The following GRM7 variants were observed in gnomAD, a reference collection of about 807,000 sequenced individuals.
The protein encoded by GRM7 is glutamate metabotropic receptor 7, also known as metabotropic glutamate receptor 7.
GRM7 carries 35 observed loss-of-function variants against 84.5 expected under a neutral mutation model. The ratio of observed to expected loss-of-function variants is 0.41; its 90% CI spans 0.32 to 0.55. GRM7 has a LOEUF of 0.55. GRM7 is among the 20% of genes least tolerant of loss of function. The pLI is 0.19. For synonymous variants in GRM7, 487 were observed against 455.1 expected, an observed-to-expected ratio of 1.07 and a Z score of -0.89; for missense variants, 1,003 against 1,194.6, an observed-to-expected ratio of 0.84 and a Z score of 2.36.
chr3:7,354,144 TC>T (rs1693283671), intron 4 of GRM7, among the ~76,000 whole-genome samples: 1 of 152,112 alleles, frequency 6.6e-6, no homozygotes, highest in Non-Finnish European at 1.5e-5. Context: ...GTGCTGTCAA[TC>T]CTCCTGCCAT....
At chr3:7,144,894 A>G (rs1291808241) in intron 1 of GRM7, among the ~76,000 whole-genome samples, 1 of 151,986 alleles carries the variant, frequency 6.6e-6, no homozygotes, top group African/African-American at 2.4e-5. Flanking sequence ...AGGGGCAGAA[A>G]GCCTGCCCTC....
intron 1 of GRM7, among the ~76,000 whole-genome samples, chr3:7,109,340 C>T (rs13318569): frequency 6.6e-6 from 1 of 151,996 alleles, no homozygotes; most frequent in Non-Finnish European, 1.5e-5. Flanking sequence ...TTAATTCTTA[C>T]AGGTTATTTT....
intron 1 of GRM7, among the ~76,000 whole-genome samples, chr3:7,125,586 C>T (rs1236294126): frequency 6.6e-6 from 1 of 152,224 alleles, no homozygotes; most frequent in African/African-American, 2.4e-5. Flanking sequence ...GTTCTCACAA[C>T]AAGCTGCACA....
At chr3:7,330,655 C>A (rs1032160722) in intron 4 of GRM7, among the ~76,000 whole-genome samples, 13 of 152,206 alleles carry the variant, frequency 8.5e-5, no homozygotes, top group African/African-American at 2.7e-4. Flanking sequence ...GTCATTATCT[C>A]CTGCCTGCCG....
chr3:6,942,893 A>G (rs1304044933), intron 1 of GRM7, among the ~76,000 whole-genome samples: 1 of 152,026 alleles, frequency 6.6e-6, no homozygotes, highest in African/African-American at 2.4e-5. Flanking sequence ...TGTGTCGGCA[A>G]TCTGTTTAAA....
chr3:7,220,660 T>G (rs1696770457), intron 2 of GRM7, among the ~76,000 whole-genome samples: 1 of 152,160 alleles, frequency 6.6e-6, no homozygotes, highest in Non-Finnish European at 1.5e-5. Context: ...ACGTCAACAT[T>G]GGTTGATTAA....
chr3:7,069,906 G>A (rs1322683996), intron 1 of GRM7, among the ~76,000 whole-genome samples: 1 of 152,082 alleles, frequency 6.6e-6, no homozygotes, highest in East Asian at 1.9e-4. Context: ...ACTCATCCCA[G>A]TCAAATGATT....
intron 4 of GRM7, among the ~76,000 whole-genome samples, chr3:7,326,925 C>T (rs924099445): frequency 6.6e-6 from 1 of 151,940 alleles, no homozygotes; most frequent in Non-Finnish European, 1.5e-5. Flanking sequence ...TTTCTCCTCA[C>T]TACACTTATC....
At chr3:7,361,248 C>T (rs1693650481) in intron 4 of GRM7, among the ~76,000 whole-genome samples, 2 of 151,970 alleles carry the variant, frequency 1.3e-5, no homozygotes, top group South Asian at 2.1e-4. Context: ...TTATTTTTAA[C>T]GTGGAAAGTA....
chr3:6,883,194 CTG>C (rs1695575084), intron 1 of GRM7, among the ~76,000 whole-genome samples: 1 of 151,914 alleles, frequency 6.6e-6, no homozygotes, highest in Non-Finnish European at 1.5e-5. Flanking sequence ...TATTTATTGA[CTG>C]TTTGTATTTC....
At chr3:7,195,906 A>T (rs180778454) in intron 2 of GRM7, among the ~76,000 whole-genome samples, 1 of 152,288 alleles carries the variant, frequency 6.6e-6, no homozygotes, top group Non-Finnish European at 1.5e-5. Context: ...CTGTTGTGTT[A>T]GTCAGGGTTC....
At chr3:7,476,211 T>G (rs1196037291) in intron 7 of GRM7, among the ~76,000 whole-genome samples, 1 of 152,190 alleles carries the variant, frequency 6.6e-6, no homozygotes, top group Admixed American at 6.5e-5. Context: ...GGAGTAATAT[T>G]GGGACCTAAC....
At chr3:7,171,357 T>G (rs1694977204) in intron 2 of GRM7, among the ~76,000 whole-genome samples, 1 of 152,142 alleles carries the variant, frequency 6.6e-6, no homozygotes, top group Non-Finnish European at 1.5e-5. Flanking sequence ...TATGTTAACT[T>G]AATTCTGTTA....
chr3:7,117,905 T>A (rs1693090912), intron 1 of GRM7, among the ~76,000 whole-genome samples: 1 of 152,174 alleles, frequency 6.6e-6, no homozygotes, highest in Non-Finnish European at 1.5e-5. Flanking sequence ...AATCCCAGTT[T>A]CTTGCCATCT....
chr3:7,584,536 A>G (rs1695421127), intron 8 of GRM7, among the ~76,000 whole-genome samples: 1 of 152,194 alleles, frequency 6.6e-6, no homozygotes, highest in Non-Finnish European at 1.5e-5. Context: ...TTCTCCTTGA[A>G]CCTATGAAGA....
intron 9 of GRM7, chr3:7,686,507 A>G: frequency 1.3e-6 from 1 of 763,652 alleles, no homozygotes; most frequent in East Asian, 2.5e-5. Flanking sequence ...TGAGAATTAG[A>G]AATGTTTCCA....
chr3:6,959,598 T>C (rs1190455028), intron 1 of GRM7, among the ~76,000 whole-genome samples: 1 of 152,172 alleles, frequency 6.6e-6, no homozygotes, highest in Non-Finnish European at 1.5e-5. Flanking sequence ...AGACAATATA[T>C]TACCCCATCT....
intron 1 of GRM7, among the ~76,000 whole-genome samples, chr3:6,976,179 G>A (rs1220028378): frequency 2.0e-5 from 3 of 152,076 alleles, no homozygotes; most frequent in East Asian, 1.9e-4. Flanking sequence ...AACCCATGCT[G>A]TAGTTTAAGA....
At chr3:7,226,944 A>C (rs2124889167) in intron 2 of GRM7, among the ~76,000 whole-genome samples, 1 of 152,322 alleles carries the variant, frequency 6.6e-6, no homozygotes, top group East Asian at 1.9e-4. Flanking sequence ...CCATAAATAA[A>C]TGTCACTTAC....
Sources: allele counts gnomAD v4.1 joint callset (sites outside exome capture counted in the v4.1 genomes callset), GRCh38; gene constraint gnomAD v4.1.1; transcripts MANE v1.5; gene names NCBI Gene and HGNC (gene_info 2026-07-23, HGNC 2026-07-21).